PLPP1: variants seen among roughly 807,000 people sequenced by gnomAD.
PLPP1 encodes the protein phospholipid phosphatase 1, also known as lipid phosphate phosphohydrolase 1a.
Under a neutral mutation model 31.2 loss-of-function variants are expected in PLPP1, and 24 were observed. The observed-to-expected ratio is 0.77, with a 90% CI of 0.56 to 1.08. The LOEUF is 1.08. Among genes scored for constraint, PLPP1 ranks in the 50% least tolerant of loss-of-function variants. PLPP1 has a pLI of 0.00. For synonymous variants in PLPP1, 146 were observed against 126.3 expected (o/e 1.16, Z -1.05); for missense variants, 319 against 342.7 (o/e 0.93, Z 0.55).
chr5:55,526,320 T>C (rs574705597), intron 1 of PLPP1, among the ~76,000 whole-genome samples: 2 of 152,328 alleles, frequency 1.3e-5, no homozygotes, highest in South Asian at 4.1e-4. Flanking sequence ...GGGGAACGTT[T>C]TCTGAACATT....
chr5:55,441,829 T>C, intron 4 of PLPP1, 22 bp downstream of exon 4: 1 of 1,608,068 alleles, frequency 6.2e-7, no homozygotes, highest in Non-Finnish European at 8.5e-7. Flanking sequence ...AACCTAACCG[T>C]CAACAGACAC....
At chr5:55,533,263 A>G (rs1740743188) in intron 1 of PLPP1, among the ~76,000 whole-genome samples, 1 of 151,708 alleles carries the variant, frequency 6.6e-6, no homozygotes, top group African/African-American at 2.4e-5. Context: ...GGTGCCTGTA[A>G]TCCCAGCTAC....
At chr5:55,443,192 A>AAATATATATATATATATATAT in intron 3 of PLPP1, among the ~76,000 whole-genome samples, 3 of 25,444 alleles carry the variant, frequency 1.2e-4, no homozygotes, top group Admixed American at 7.8e-4. Context: ...AAAAAAAAAA[A>AAATATATATATATATATATAT]ATATATATAT....
In PLPP1 at chr5:55,436,433, G is replaced by A. The variant is rs192450330; in HGVS notation, c.549+5418C>T. Among the ~76,000 whole-genome samples the A allele has an allele frequency of 4.7e-4, 72 of 152,316 alleles. 1 individual carries two copies. The highest frequency in any genetic ancestry group is 6.8e-3 in the Middle Eastern group (2 of 294). Reference sequence around the variant, plus strand: ...GCTCTCTCTGCCTGCCGCCATCCACGTAAGATGTAACTTGCTCCTTCTTGC... The same window carrying A: ...GCTCTCTCTGCCTGCCGCCATCCACATAAGATGTAACTTGCTCCTTCTTGC... On this transcript the variant is annotated intron_variant, in intron 4 of 5. Coordinates refer to ENST00000307259, the MANE Select transcript of PLPP1 (RefSeq NM_003711.4).
intron 4 of PLPP1, among the ~76,000 whole-genome samples, chr5:55,434,174 C>T (rs1304866164): frequency 1.4e-5 from 2 of 144,742 alleles, no homozygotes; most frequent in Non-Finnish European, 3.0e-5. Flanking sequence ...ACAATAGCTA[C>T]AAAAAAAGAA....
At chr5:55,478,729 C>A (rs1029731301) in intron 1 of PLPP1, among the ~76,000 whole-genome samples, 1 of 152,000 alleles carries the variant, frequency 6.6e-6, no homozygotes. Flanking sequence ...GTGGCCACAT[C>A]AGAAAGAGGG....
intron 1 of PLPP1, among the ~76,000 whole-genome samples, chr5:55,479,553 T>C (rs926905933): frequency 3.3e-5 from 5 of 152,178 alleles, no homozygotes; most frequent in African/African-American, 7.2e-5. Flanking sequence ...CACTGAGCCA[T>C]GTACAAGGAA....
At chr5:55,530,909 G>A (rs116408316) in intron 1 of PLPP1, among the ~76,000 whole-genome samples, 3 of 152,298 alleles carry the variant, frequency 2.0e-5, no homozygotes, top group Non-Finnish European at 2.9e-5. Context: ...TGGTGACAGC[G>A]GCAGCGGCCC....
intron 4 of PLPP1, among the ~76,000 whole-genome samples, chr5:55,431,205 G>C (rs1433623301): frequency 6.6e-6 from 1 of 152,114 alleles, no homozygotes; most frequent in African/African-American, 2.4e-5. Flanking sequence ...GGCACAGGAA[G>C]CTTAGAAAAC....
chr5:55,482,322 T>C (rs1752689229), intron 1 of PLPP1, among the ~76,000 whole-genome samples: 1 of 151,778 alleles, frequency 6.6e-6, no homozygotes, highest in African/African-American at 2.4e-5. Flanking sequence ...AAGAGATGAC[T>C]TGGAAATATG....
chr5:55,452,344 G>A (rs910630767), intron 3 of PLPP1, among the ~76,000 whole-genome samples: 3 of 152,028 alleles, frequency 2.0e-5, no homozygotes, highest in African/African-American at 4.8e-5. Flanking sequence ...TTTCCCTGTC[G>A]CTCATGTGCC....
At chr5:55,431,011 C>G (rs558928848) in intron 4 of PLPP1, among the ~76,000 whole-genome samples, 3 of 152,292 alleles carry the variant, frequency 2.0e-5, no homozygotes, top group South Asian at 4.1e-4. Context: ...AAAATTAGGT[C>G]TTTTGAACCC....
In PLPP1 at chr5:55,441,840, A is replaced by G; in HGVS notation, c.549+11T>C. ...ACATAACCTAACCGTCAACAGACAC[A>G]AAGTACTTACTGCCACAAACAGCAT... On this transcript the variant is annotated intron_variant, in intron 4 of 5. Transcript: ENST00000307259. The G allele has an allele frequency of 6.2e-7, 1 of 1,611,886 alleles. No individual in the cohort carries two copies. The highest frequency in any genetic ancestry group is 1.3e-5 in the African/African-American group (1 of 75,018).
chr5:55,473,778 C>T (rs1168382463), intron 2 of PLPP1, among the ~76,000 whole-genome samples: 1 of 151,920 alleles, frequency 6.6e-6, no homozygotes, highest in Non-Finnish European at 1.5e-5. Context: ...CTGCTTCAGC[C>T]TTCTGAGTAG....
At chr5:55,432,852 T>C (rs1456729304) in intron 4 of PLPP1, among the ~76,000 whole-genome samples, 1 of 149,308 alleles carries the variant, frequency 6.7e-6, no homozygotes, top group Non-Finnish European at 1.5e-5. Context: ...GGGACATAAC[T>C]CAACATGATA....
At chr5:55,525,309 G>A (rs181666980) in intron 1 of PLPP1, among the ~76,000 whole-genome samples, 123 of 152,184 alleles carry the variant, frequency 8.1e-4, no homozygotes, top group African/African-American at 2.5e-3. Flanking sequence ...ATAACCATAG[G>A]TACTTTCATT....
intron 1 of PLPP1, among the ~76,000 whole-genome samples, chr5:55,533,601 A>C (rs1740761712): frequency 6.6e-6 from 1 of 152,216 alleles, no homozygotes; most frequent in Non-Finnish European, 1.5e-5. Flanking sequence ...CTAAAGCCAC[A>C]GATCTCCCAC....
intron 1 of PLPP1, among the ~76,000 whole-genome samples, chr5:55,485,833 C>A (rs1752765692): frequency 6.6e-6 from 1 of 152,098 alleles, no homozygotes; most frequent in Non-Finnish European, 1.5e-5. Flanking sequence ...CATAATATTT[C>A]ATCACTAGAA....
chr5:55,442,038 T>A (rs1751632771), intron 3 of PLPP1, 130 bp from the exon 4 acceptor site: 2 of 825,988 alleles, frequency 2.4e-6, no homozygotes. Context: ...ATTAGAAGGG[T>A]ACGGCAGGGG....
Sources: gnomAD v4.1 joint callset for allele counts (sites outside exome capture counted in the v4.1 genomes callset) on GRCh38, gnomAD v4.1.1 for gene constraint, MANE v1.5 for transcripts, NCBI Gene and HGNC (gene_info 2026-07-23, HGNC 2026-07-21) for gene names.